CTNND2: variants seen among roughly 807,000 people sequenced by gnomAD.
CTNND2 encodes the protein catenin delta-2.
CTNND2 carries 22 observed loss-of-function variants against 144.4 expected under a neutral mutation model. The observed-to-expected ratio is 0.15, with a 90% confidence interval of 0.11 to 0.22. The LOEUF (loss-of-function observed/expected upper bound fraction) is 0.22, where lower values mean the gene tolerates loss of function less well. Among genes scored for constraint, CTNND2 ranks in the 10% least tolerant of loss-of-function variants. CTNND2 has a pLI of 1.00. For missense variants in CTNND2, 1,353 were observed against 1,618.8 expected (o/e 0.84, Z 2.82); for synonymous variants, 751 against 695.6 (o/e 1.08, Z -1.25).
chr5:11,214,006 C>A (rs1162566007), intron 10 of CTNND2, among the ~76,000 whole-genome samples: 3 of 152,064 alleles, frequency 2.0e-5, no homozygotes, highest in Admixed American at 1.3e-4. Flanking sequence ...CGTTAATTTT[C>A]TTTTTTTCTT....
chr5:11,216,300 G>A (rs1290586714), intron 10 of CTNND2, among the ~76,000 whole-genome samples: 1 of 152,202 alleles, frequency 6.6e-6, no homozygotes, highest in Non-Finnish European at 1.5e-5. Context: ...CGGAAAAGAG[G>A]AATTAAGGTT....
chr5:11,275,448 G>C (rs1162589591), intron 9 of CTNND2, among the ~76,000 whole-genome samples: 1 of 152,190 alleles, frequency 6.6e-6, no homozygotes. Context: ...TGGAACAGAA[G>C]ACATCTGGGT....
At chr5:11,681,629 T>C (rs912529133) in intron 2 of CTNND2, among the ~76,000 whole-genome samples, 6 of 152,228 alleles carry the variant, frequency 3.9e-5, no homozygotes, top group Non-Finnish European at 8.8e-5. Flanking sequence ...AAAGATCCAT[T>C]TATTTGTATA....
intron 1 of CTNND2, among the ~76,000 whole-genome samples, chr5:11,875,947 T>G (rs1276537563): frequency 1.3e-5 from 2 of 152,208 alleles, no homozygotes; most frequent in African/African-American, 4.8e-5. Flanking sequence ...TTCCACACAA[T>G]CTCACAAGGA....
At chr5:11,005,355 G>A (rs1561158215) in intron 18 of CTNND2, among the ~76,000 whole-genome samples, 2 of 152,218 alleles carry the variant, frequency 1.3e-5, no homozygotes, top group Non-Finnish European at 2.9e-5. Flanking sequence ...GTACTGAAGA[G>A]TTTTAATCAG....
intron 10 of CTNND2, among the ~76,000 whole-genome samples, chr5:11,228,872 T>C (rs1264449186): frequency 1.3e-5 from 2 of 152,180 alleles, no homozygotes; most frequent in Non-Finnish European, 2.9e-5. Flanking sequence ...TGCTTTCCAC[T>C]AGGACTGAAA....
chr5:11,263,762 T>C (rs1302238448), intron 9 of CTNND2, among the ~76,000 whole-genome samples: 2 of 152,206 alleles, frequency 1.3e-5, no homozygotes, highest in African/African-American at 4.8e-5. Flanking sequence ...GTTAATTTCA[T>C]CAAATACCCA....
rs1369526829 is a variant in CTNND2, at chr5:10,981,834, C to T, written c.3356G>A (p.Gly1119Glu). ...RKDAMTAQNT[G>E]ISTLYRNSYG... is the part of the protein sequence containing the mutation. ...AGAATTCCTATACAAAGTTGAAATT[C>T]CAGTGTTTTGAGCTAAAAGCAAAAG... Residue 1119 changes from glycine to glutamate, a missense_variant, in exon 21 of 22, where the codon GGA becomes GAA. Coordinates refer to ENST00000304623, the MANE Select transcript of CTNND2 (RefSeq NM_001332.4). The T allele has an allele frequency of 6.2e-7, 1 of 1,613,666 alleles. No individual in the cohort carries two copies. The highest frequency in any genetic ancestry group is 8.5e-7 in the Non-Finnish European group (1 of 1,179,786).
At chr5:11,328,322 T>C (rs571322863) in intron 9 of CTNND2, among the ~76,000 whole-genome samples, 1 of 150,874 alleles carries the variant, frequency 6.6e-6, no homozygotes, top group Non-Finnish European at 1.5e-5. Flanking sequence ...AGACAGTATC[T>C]CATTCTGTTG....
chr5:11,452,177 A>G (rs1172241085), intron 3 of CTNND2, among the ~76,000 whole-genome samples: 2 of 152,262 alleles, frequency 1.3e-5, no homozygotes, highest in South Asian at 4.1e-4. Context: ...TTGCAAAGTC[A>G]GGCTACTGAA....
chr5:11,578,845 A>C (rs928791111), intron 2 of CTNND2, among the ~76,000 whole-genome samples: 1 of 152,178 alleles, frequency 6.6e-6, no homozygotes, highest in Non-Finnish European at 1.5e-5. Context: ...TATTCTTGAT[A>C]AGGTATGTAA....
chr5:11,432,853 T>C (rs555535756), intron 3 of CTNND2, among the ~76,000 whole-genome samples: 4 of 152,322 alleles, frequency 2.6e-5, no homozygotes, highest in East Asian at 1.9e-4. Flanking sequence ...TGGAATTTTA[T>C]AGGGGAAAAA....
At chr5:11,517,669 G>A (rs1400730572) in intron 3 of CTNND2, among the ~76,000 whole-genome samples, 1 of 151,880 alleles carries the variant, frequency 6.6e-6, no homozygotes. Flanking sequence ...AATACATAAC[G>A]CATGCAGGGC....
intron 3 of CTNND2, among the ~76,000 whole-genome samples, chr5:11,480,098 A>G (rs1308557142): frequency 6.6e-6 from 1 of 152,120 alleles, no homozygotes; most frequent in East Asian, 1.9e-4. Context: ...CTATGTCCAG[A>G]ATGGTATTGC....
intron 3 of CTNND2, among the ~76,000 whole-genome samples, chr5:11,561,134 T>C (rs1776652336): frequency 2.0e-5 from 3 of 152,210 alleles, no homozygotes; most frequent in Admixed American, 1.3e-4. Flanking sequence ...ATCATTGTAC[T>C]GGCCAGAGGT....
At chr5:11,109,811 C>T (rs1174748424) in intron 14 of CTNND2, among the ~76,000 whole-genome samples, 2 of 151,840 alleles carry the variant, frequency 1.3e-5, no homozygotes, top group South Asian at 4.2e-4. Context: ...AGGAATCAAT[C>T]ATTATCTTCT....
chr5:11,817,423 GA>G (rs1167064714), intron 1 of CTNND2, among the ~76,000 whole-genome samples: 2 of 924 alleles, frequency 2.2e-3, no homozygotes, highest in African/African-American at 3.2e-3. Flanking sequence ...GAGAGAGAGA[GA>G]GAGAGAGAGA....
In CTNND2 at chr5:11,562,597, G is replaced by A. The variant is rs532611205; in HGVS notation, c.287+2347C>T. 5.3e-5 allele frequency among the ~76,000 whole-genome samples: 8 copies of A among 152,268 alleles called. No homozygotes were observed. The South Asian group carries it at 1.7e-3, about 32-fold the overall frequency. On this transcript the variant is annotated intron_variant, in intron 3 of 21. Transcript: ENST00000304623. ...ATATATGGCAAAGGGAAATATTTAG[G>A]CAGTGTCATCTTCACTCAACACTAT...
intron 3 of CTNND2, among the ~76,000 whole-genome samples, chr5:11,487,647 T>C (rs573982545): frequency 5.7e-4 from 86 of 152,188 alleles, no homozygotes; most frequent in Non-Finnish European, 5.4e-4. Flanking sequence ...AATTAAATTA[T>C]ATATGCTTAT....
Sources: allele counts gnomAD v4.1 joint callset (sites outside exome capture counted in the v4.1 genomes callset), GRCh38; gene constraint gnomAD v4.1.1; transcripts MANE v1.5; gene names NCBI Gene and HGNC (gene_info 2026-07-23, HGNC 2026-07-21).